Variants in ASTN2 observed in about 807,000 individuals in gnomAD.
ASTN2 encodes astrotactin-2.
A neutral mutation model predicts 139.8 loss-of-function variants in ASTN2; 54 were observed. The observed-to-expected ratio is 0.39, with a 90% CI of 0.31 to 0.48. The LOEUF (loss-of-function observed/expected upper bound fraction) is 0.48. Ranked by LOEUF, ASTN2 falls within the 20% of genes least tolerant of loss-of-function variation. The pLI is 0.95. For missense variants in ASTN2, 1,565 were observed against 1,725.1 expected (o/e 0.91, Z 1.64); for synonymous variants, 756 against 719.5 (o/e 1.05, Z -0.81).
chr9:117,107,220 T>G (rs1261002106), intron 4 of ASTN2, among the ~76,000 whole-genome samples: 1 of 152,158 alleles, frequency 6.6e-6, no homozygotes. Context: ...TTTCTTATTG[T>G]TTAAATTTTA....
chr9:116,632,236 AGAAAGAAAGAAAGAAG>A (rs1278139116), intron 17 of ASTN2, among the ~76,000 whole-genome samples: 62 of 129,950 alleles, frequency 4.8e-4, no homozygotes, highest in African/African-American at 6.5e-4. Context: ...AAAGAAAGAA[AGAAAGAAAGAAAGAAG>A]GAAAGAAAGA....
chr9:117,414,765 C>A lies in ASTN2; in HGVS notation c.174G>T (p.Glu58Asp). The change falls in exon 1 of 23, where the codon GAG (glutamate) becomes GAT (aspartate). Residue 58 changes from glutamate to aspartate, a missense_variant. Physicochemically the swap from Glu to Asp is conservative, Grantham distance 45. Around this residue, in one of 4 missense-constraint regions of ASTN2, gnomAD observed 596 missense variants for 576.8 expected, o/e 1.03. Coordinates refer to ENST00000313400, the MANE Select transcript of ASTN2 (RefSeq NM_001365068.1). This position sits in a 1 kb window ranked among gnomAD's most constrained non-coding sequence, Gnocchi z 4.2. The part of the protein sequence containing the change: ...LAGATAAASR[E>D]PDSPCRLKTV... ...TCTTCAGCCGGCACGGGCTGTCGGG[C>A]TCCCGCGAGGCAGCGGCGGTGGCGC... is the stretch of plus-strand genomic sequence containing the variant. 2 of 1,267,586 alleles carry A rather than the reference C, an allele frequency of 1.6e-6. No homozygotes were observed. The highest frequency in any genetic ancestry group is 2.2e-5 in the South Asian group (1 of 44,628). The allele number at this position is 1,267,586 out of a possible 1,614,324, so 78.5% of individuals were successfully genotyped here.
intron 19 of ASTN2, chr9:116,613,429 A>G (rs1359822428): frequency 2.6e-5 from 4 of 152,240 alleles, no homozygotes; most frequent in African/African-American, 4.8e-5. Context: ...ACAAAAAAAG[A>G]GAATTTTAGA....
At chr9:116,763,743 G>A (rs1221789180) in intron 13 of ASTN2, among the ~76,000 whole-genome samples, 1 of 152,210 alleles carries the variant, frequency 6.6e-6, no homozygotes, top group East Asian at 1.9e-4. Flanking sequence ...TTACAGAGAG[G>A]ACTGAATAGG....
At chr9:117,395,482 G>A (rs1403900377) in intron 1 of ASTN2, among the ~76,000 whole-genome samples, 7 of 152,140 alleles carry the variant, frequency 4.6e-5, no homozygotes, top group African/African-American at 1.4e-4. Context: ...TTGGCAGCCC[G>A]CTCACACACA....
intron 5 of ASTN2, among the ~76,000 whole-genome samples, chr9:117,050,383 G>T (rs1838881250): frequency 6.6e-6 from 1 of 152,084 alleles, no homozygotes; most frequent in Non-Finnish European, 1.5e-5. Context: ...CATTGATTGT[G>T]TATTTAGTAT....
chr9:116,968,501 G>C (rs1836083769), intron 10 of ASTN2, among the ~76,000 whole-genome samples: 1 of 152,042 alleles, frequency 6.6e-6, no homozygotes, highest in African/African-American at 2.4e-5. Context: ...AAAAAAGAGA[G>C]AAAAGAGGAG....
intron 3 of ASTN2, among the ~76,000 whole-genome samples, chr9:117,201,428 G>A (rs961273029): frequency 2.0e-5 from 3 of 151,926 alleles, no homozygotes; most frequent in African/African-American, 4.8e-5. Flanking sequence ...TAATTGTGAT[G>A]TTAGGGTGTC....
intron 1 of ASTN2, among the ~76,000 whole-genome samples, chr9:117,337,679 A>C (rs1828929238): frequency 6.6e-6 from 1 of 152,166 alleles, no homozygotes; most frequent in African/African-American, 2.4e-5. Flanking sequence ...TGATGAGATT[A>C]GGTAATGAGG....
chr9:116,993,319 T>G (rs900060323), intron 7 of ASTN2, among the ~76,000 whole-genome samples: 2 of 152,098 alleles, frequency 1.3e-5, no homozygotes, highest in Non-Finnish European at 2.9e-5. Context: ...GCCTGTTCCC[T>G]TTACCTACAC....
intron 2 of ASTN2, among the ~76,000 whole-genome samples, chr9:117,264,634 A>G (rs1434912242): frequency 6.6e-6 from 1 of 152,214 alleles, no homozygotes; most frequent in Non-Finnish European, 1.5e-5. Flanking sequence ...GAATAACAAA[A>G]GAGAAGGAGG....
chr9:117,405,528 A>G (rs1830958953), intron 1 of ASTN2, among the ~76,000 whole-genome samples: 1 of 152,204 alleles, frequency 6.6e-6, no homozygotes, highest in African/African-American at 2.4e-5. Context: ...CAGTTACATT[A>G]CAACTCTGGA....
At chr9:117,142,546 T>G (rs755627912) in intron 3 of ASTN2, among the ~76,000 whole-genome samples, 8 of 152,206 alleles carry the variant, frequency 5.3e-5, no homozygotes, top group Non-Finnish European at 1.2e-4. Flanking sequence ...TTCTAACACC[T>G]TGTCCAATAT....
At chr9:117,282,290 A>G (rs961423004) in intron 2 of ASTN2, among the ~76,000 whole-genome samples, 1 of 152,138 alleles carries the variant, frequency 6.6e-6, no homozygotes, top group Non-Finnish European at 1.5e-5. Context: ...CCCTCTGTCC[A>G]TATTATATAT....
chr9:116,883,127 A>G (rs976522202), intron 10 of ASTN2, among the ~76,000 whole-genome samples: 1 of 152,232 alleles, frequency 6.6e-6, no homozygotes, highest in African/African-American at 2.4e-5. Context: ...CAAAATGAAA[A>G]TGTTCTACAT....
chr9:117,098,543 G>A (rs1442275456), intron 4 of ASTN2, among the ~76,000 whole-genome samples: 1 of 152,124 alleles, frequency 6.6e-6, no homozygotes, highest in Non-Finnish European at 1.5e-5. Context: ...CATCAGGCAA[G>A]GTCTGTCCCG....
Position 116,748,818 on chromosome 9 carries a change from C to T in ASTN2, c.2397-15295G>A, listed in dbSNP as rs117247696. Reference sequence around the variant, plus strand: ...CTGTGCCAATAACTTGCTGTGTGATCTTGAGCAAGTCATTTCCCATCTCTA... The same window carrying T: ...CTGTGCCAATAACTTGCTGTGTGATTTTGAGCAAGTCATTTCCCATCTCTA... On this transcript the variant is annotated intron_variant, in intron 13 of 22. Coordinates refer to ENST00000313400, the MANE Select transcript of ASTN2 (RefSeq NM_001365068.1). Among the ~76,000 whole-genome samples the T allele has an allele frequency of 1.2e-3, 179 of 152,198 alleles. No homozygotes were observed. In the East Asian group the frequency reaches 0.033, roughly 28 times the overall value.
intron 2 of ASTN2, among the ~76,000 whole-genome samples, chr9:117,229,873 T>C (rs1317369900): frequency 1.3e-5 from 2 of 152,070 alleles, no homozygotes; most frequent in Non-Finnish European, 2.9e-5. Context: ...CCAGGTGTGG[T>C]GGCTCAGGCC....
At chr9:116,512,826 CCT>C (rs1402340426) in intron 19 of ASTN2, among the ~76,000 whole-genome samples, 1 of 151,928 alleles carries the variant, frequency 6.6e-6, no homozygotes, top group Non-Finnish European at 1.5e-5. Flanking sequence ...GATTGCAACC[CCT>C]GTCTTTTTGT....
Sources: allele counts gnomAD v4.1 joint callset (sites outside exome capture counted in the v4.1 genomes callset), GRCh38; gene constraint gnomAD v4.1.1; regional missense constraint gnomAD v4.1.1; non-coding constraint Gnocchi (gnomAD v3.1); transcripts MANE v1.5; gene names NCBI Gene and HGNC (gene_info 2026-07-23, HGNC 2026-07-21).